Variants in CSGALNACT1 observed in about 807,000 individuals in gnomAD.
The protein encoded by CSGALNACT1 is beta4GalNAcT-1.
CSGALNACT1 carries 52 observed loss-of-function variants against 51.0 expected under a neutral mutation model. That is an observed-to-expected ratio of 1.02 (90% CI 0.82 to 1.29). CSGALNACT1 has a LOEUF of 1.29. CSGALNACT1 is among the 50% of genes most tolerant of loss of function. The probability of loss-of-function intolerance (pLI) is 0.00; values close to 1 mark genes in which losing one functional copy is unlikely to be tolerated. For synonymous variants in CSGALNACT1, 341 were observed against 254.4 expected, an observed-to-expected ratio of 1.34 and a Z score of -3.24; for missense variants, 935 against 679.2, an observed-to-expected ratio of 1.38 and a Z score of -4.19.
chr8:19,455,077 G>A (rs2063840200), intron 5 of CSGALNACT1, among the ~76,000 whole-genome samples: 1 of 152,170 alleles, frequency 6.6e-6, no homozygotes, highest in Admixed American at 6.5e-5. Flanking sequence ...CCAAAGTGAT[G>A]TTCAACTCAT....
chr8:19,662,058 GCCCCCACCCCCCCCCAC>G (rs2058786133), intron 1 of CSGALNACT1, among the ~76,000 whole-genome samples: 2 of 33,954 alleles, frequency 5.9e-5, no homozygotes, highest in Non-Finnish European at 1.3e-4. Context: ...TATTACAGTT[GCCCCCACCCCCCCCCAC>G]CCCCCCCCCC....
At chr8:19,410,642 C>A (rs571143965) in intron 8 of CSGALNACT1, among the ~76,000 whole-genome samples, 1 of 152,250 alleles carries the variant, frequency 6.6e-6, no homozygotes, top group South Asian at 2.1e-4. Context: ...TAGGGCCTTT[C>A]GAGGTTGAAC....
chr8:19,609,184 T>G (rs752762650), intron 1 of CSGALNACT1, among the ~76,000 whole-genome samples: 3 of 151,814 alleles, frequency 2.0e-5, no homozygotes, highest in Non-Finnish European at 2.9e-5. Context: ...GATGCTTTTT[T>G]TTTTATATTG....
intron 1 of CSGALNACT1, among the ~76,000 whole-genome samples, chr8:19,638,215 G>A (rs1016776538): frequency 6.6e-6 from 1 of 152,102 alleles, no homozygotes; most frequent in Non-Finnish European, 1.5e-5. Flanking sequence ...TCACCCTTCA[G>A]GTCTCAGCTC....
chr8:19,504,141 A>G (rs2076891047), intron 4 of CSGALNACT1, among the ~76,000 whole-genome samples: 1 of 151,512 alleles, frequency 6.6e-6, no homozygotes, highest in Non-Finnish European at 1.5e-5. Flanking sequence ...CAGTGGTGTG[A>G]TCTCGGCTCA....
At chr8:19,711,536 C>A (rs1005574345) in intron 1 of CSGALNACT1, among the ~76,000 whole-genome samples, 8 of 152,202 alleles carry the variant, frequency 5.3e-5, no homozygotes, top group Non-Finnish European at 8.8e-5. Flanking sequence ...GAAGCTTTTA[C>A]AGTATAACCC....
At chr8:19,653,392 T>C (rs919268845) in intron 1 of CSGALNACT1, among the ~76,000 whole-genome samples, 1 of 152,154 alleles carries the variant, frequency 6.6e-6, no homozygotes, top group African/African-American at 2.4e-5. Flanking sequence ...ATTGTCCCCC[T>C]CAGACTCCTT....
At chr8:19,547,793 C>T (rs1452826203) in intron 3 of CSGALNACT1, among the ~76,000 whole-genome samples, 2 of 152,094 alleles carry the variant, frequency 1.3e-5, no homozygotes, top group Non-Finnish European at 2.9e-5. Flanking sequence ...CTGATTTGTA[C>T]AATAAATTCC....
At chr8:19,592,983 C>A (rs1226981495) in intron 2 of CSGALNACT1, among the ~76,000 whole-genome samples, 1 of 152,120 alleles carries the variant, frequency 6.6e-6, no homozygotes, top group Non-Finnish European at 1.5e-5. Flanking sequence ...ATATTTTTGA[C>A]TTACAATAGG....
intron 6 of CSGALNACT1, among the ~76,000 whole-genome samples, chr8:19,435,891 C>A (rs1027234951): frequency 1.3e-5 from 2 of 152,192 alleles, no homozygotes; most frequent in African/African-American, 4.8e-5. Context: ...CACACACACA[C>A]ACGCACACAC....
At chr8:19,625,748 A>C (rs4922070) in intron 1 of CSGALNACT1, among the ~76,000 whole-genome samples, 17 of 152,104 alleles carry the variant, frequency 1.1e-4, no homozygotes, top group Non-Finnish European at 1.6e-4. Flanking sequence ...GGCTTAAGAG[A>C]GGGGGCCTTA....
chr8:19,680,871 C>T (rs1341084967), intron 1 of CSGALNACT1, among the ~76,000 whole-genome samples: 4 of 152,082 alleles, frequency 2.6e-5, no homozygotes, highest in Non-Finnish European at 4.4e-5. Flanking sequence ...ATTTTTCCTA[C>T]TTGATCTGCA....
rs2975427 is a variant in CSGALNACT1, at chr8:19,643,541, G to C, written c.-544+38932C>G. 1.6e-4 allele frequency among the ~76,000 whole-genome samples: 24 copies of C among 151,760 alleles called. No individual in the cohort carries two copies. The East Asian group carries it at 4.5e-3, about 28-fold the overall frequency. On this transcript the variant is annotated intron_variant, in intron 1 of 9. Coordinates refer to the CSGALNACT1 transcript ENST00000332246. ...TAATCCCAGCTACTTGGGAGGCTAA[G>C]ACAAAAGAGTTGCTTGAGCCTGGGA... is the stretch of plus-strand genomic sequence containing the variant.
At chr8:19,433,125 G>C (rs1477009934) in intron 6 of CSGALNACT1, among the ~76,000 whole-genome samples, 1 of 152,170 alleles carries the variant, frequency 6.6e-6, no homozygotes, top group Non-Finnish European at 1.5e-5. Context: ...ATTCTATAAA[G>C]TCTCAATTCT....
chr8:19,482,337 C>G (rs1234880033), intron 4 of CSGALNACT1, among the ~76,000 whole-genome samples: 1 of 152,222 alleles, frequency 6.6e-6, no homozygotes. Flanking sequence ...CAGCACTGTG[C>G]TGGACAGTGC....
intron 1 of CSGALNACT1, among the ~76,000 whole-genome samples, chr8:19,656,593 C>T (rs61005296): frequency 5.2e-5 from 5 of 95,892 alleles, no homozygotes; most frequent in East Asian, 2.5e-4. Flanking sequence ...GAAACTACGC[C>T]CCCCCCCCAC....
At chr8:19,684,632 C>T (rs55990252), upstream of CSGALNACT1, among the ~76,000 whole-genome samples, 21,864 of 151,892 alleles carry the variant, frequency 0.14, 1,826 homozygotes, top group East Asian at 0.41. Flanking sequence ...CTCCCTCCCA[C>T]TCCTCCTGGG....
chr8:19,639,392 C>T (rs1450546637), intron 1 of CSGALNACT1, among the ~76,000 whole-genome samples: 1 of 152,208 alleles, frequency 6.6e-6, no homozygotes. Context: ...CAATTTTCCA[C>T]AGAATGGTTT....
At position 19,420,175 on chromosome 8, in the gene CSGALNACT1, C is replaced by T. The variant is rs577656604; in HGVS notation, c.1132+165G>A. The stretch of plus-strand genomic sequence containing the variant: ...CAGTCTCAGGTGTGTCTTTATTAGC[C>T]GCGTGAGAACAGACTAATACAGATG... On this transcript the variant is annotated intron_variant, in intron 7 of 9. Coordinates refer to ENST00000454498, the Ensembl canonical transcript of CSGALNACT1. Among the ~76,000 whole-genome samples the T allele has an allele frequency of 2.4e-4, 36 of 152,230 alleles. 1 individual carries two copies. Among genetic ancestry groups the T allele is most frequent in the Middle Eastern group, 6.8e-3 (2 of 294 alleles).
Sources: gnomAD v4.1 joint callset for allele counts (sites outside exome capture counted in the v4.1 genomes callset) on GRCh38, gnomAD v4.1.1 for gene constraint, MANE v1.5 for transcripts, NCBI Gene and HGNC (gene_info 2026-07-23, HGNC 2026-07-21) for gene names.